Variants in XPO4 observed in about 807,000 individuals in gnomAD.
The protein encoded by XPO4 is exportin-4.
XPO4 carries 39 observed loss-of-function variants against 143.0 expected under a neutral mutation model. The ratio of observed to expected loss-of-function variants is 0.27; its 90% CI spans 0.21 to 0.36. XPO4 has a LOEUF of 0.36. Ranked by LOEUF, XPO4 falls within the 10% of genes least tolerant of loss-of-function variation. XPO4 has a pLI of 1.00. For missense variants in XPO4, 907 were observed against 1,348.0 expected (o/e 0.67, Z 5.12); for synonymous variants, 439 against 474.0 (o/e 0.93, Z 0.96).
At chr13:20,787,665 T>C (rs1303390534) in intron 20 of XPO4, 67 bp from the exon 21 acceptor site, 5 of 1,337,274 alleles carry the variant, frequency 3.7e-6, no homozygotes, top group Non-Finnish European at 5.3e-6. Flanking sequence ...AAAAAAATTA[T>C]AGCTAGTATT....
intron 2 of XPO4, chr13:20,863,092 C>T (rs2060216170): frequency 8.2e-7 from 1 of 1,214,650 alleles, no homozygotes; most frequent in Non-Finnish European, 1.0e-6. Flanking sequence ...TTCCTCACCT[C>T]TCTTCAACTG....
intron 1 of XPO4, among the ~76,000 whole-genome samples, chr13:20,886,094 T>C (rs933679367): frequency 3.3e-5 from 5 of 152,172 alleles, no homozygotes; most frequent in Admixed American, 3.3e-4. Flanking sequence ...ATAGCATAAA[T>C]ACATTGCACC....
intron 7 of XPO4, among the ~76,000 whole-genome samples, chr13:20,825,932 A>G (rs1241271870): frequency 6.6e-6 from 1 of 152,192 alleles, no homozygotes; most frequent in Non-Finnish European, 1.5e-5. Context: ...TACATACCAC[A>G]TAACTACTTT....
chr13:20,819,137 T>C (rs1020817573), intron 9 of XPO4, among the ~76,000 whole-genome samples: 3 of 152,122 alleles, frequency 2.0e-5, no homozygotes, highest in African/African-American at 4.8e-5. Flanking sequence ...CAGGTACTTT[T>C]CATGCAGTTA....
chr13:20,868,086 C>G (rs935651557), intron 2 of XPO4, among the ~76,000 whole-genome samples: 2 of 151,384 alleles, frequency 1.3e-5, no homozygotes, highest in African/African-American at 4.9e-5. Flanking sequence ...AAAATCAGTG[C>G]TTTATTTTAG....
rs540739946 is a variant in XPO4, at chr13:20,780,269, G to C, written c.*3453C>G. The C allele has an allele frequency of 1.3e-5, 2 of 152,242 alleles. No individual in the cohort carries two copies. Among genetic ancestry groups the C allele is most frequent in the South Asian group, 4.1e-4 (2 of 4,826 alleles). The allele number at this position is 152,242 out of a possible 1,614,324, so 9.4% of individuals were successfully genotyped here. A position where few individuals can be genotyped will look rare whatever the true frequency, so the allele number is the denominator to read the frequency against. On this transcript the variant is annotated 3_prime_UTR_variant, in exon 23 of 23. Transcript: ENST00000255305. ...ATTGACAACCACCTCTAACAACAGA[G>C]GTGGCAAACAGATAAAAATTGTTTA...
intron 1 of XPO4, among the ~76,000 whole-genome samples, chr13:20,901,842 G>A (rs571408358): frequency 6.6e-6 from 1 of 152,250 alleles, no homozygotes; most frequent in East Asian, 1.9e-4. Context: ...AAACACCGAA[G>A]TCATAATTTG....
At position 20,780,378 on chromosome 13, in the gene XPO4, G is replaced by T. The variant is rs1428705391; in HGVS notation, c.*3344C>A. On this transcript the variant is annotated 3_prime_UTR_variant, in exon 23 of 23. Coordinates refer to ENST00000255305, the MANE Select transcript of XPO4 (RefSeq NM_022459.5). ...TTGTAATCCTTGAAACTGACAGCTA[G>T]TTCCCTTCAATACTTTAGGGGTTCA... is the stretch of plus-strand genomic sequence containing the variant. The T allele has an allele frequency of 6.6e-6, 1 of 152,170 alleles. No homozygotes were observed. Among genetic ancestry groups the T allele is most frequent in the Non-Finnish European group, 1.5e-5 (1 of 68,022 alleles). 9.4% of individuals were successfully genotyped at this position (152,170 alleles called of 1,614,324 possible).
At chr13:20,845,996 A>G (rs2060025472) in intron 4 of XPO4, among the ~76,000 whole-genome samples, 1 of 152,228 alleles carries the variant, frequency 6.6e-6, no homozygotes, top group African/African-American at 2.4e-5. Flanking sequence ...TAAAAAAGGA[A>G]ATTAATTTCT....
At chr13:20,795,935 T>C in intron 18 of XPO4, 141 bp downstream of exon 18, 1 of 903,962 alleles carries the variant, frequency 1.1e-6, no homozygotes, top group Non-Finnish European at 1.6e-6. Context: ...GTCCTCACCC[T>C]CACTTTGACC....
intron 1 of XPO4, among the ~76,000 whole-genome samples, chr13:20,881,850 G>GT (rs528828349): frequency 2.3e-3 from 354 of 152,204 alleles, no homozygotes; most frequent in African/African-American, 7.6e-3. Flanking sequence ...GCTCACACCT[G>GT]TAAGCCCAGC....
At chr13:20,857,791 A>C (rs2060159427) in intron 3 of XPO4, 1 of 938,102 alleles carries the variant, frequency 1.1e-6, no homozygotes, top group Non-Finnish European at 1.3e-6. Flanking sequence ...CCAATGCTGC[A>C]GAGTTAAGTG....
At chr13:20,876,218 C>T (rs987094238) in intron 1 of XPO4, among the ~76,000 whole-genome samples, 5 of 144,870 alleles carry the variant, frequency 3.5e-5, no homozygotes, top group East Asian at 2.0e-4. Context: ...GCCAAGATTG[C>T]GCCATTGCAC....
At chr13:20,851,509 G>T (rs998162352) in intron 4 of XPO4, 2 of 861,070 alleles carry the variant, frequency 2.3e-6, no homozygotes, top group Non-Finnish European at 2.8e-6. Flanking sequence ...GGAAGTTTGA[G>T]ACCAGCTTGG....
At position 20,783,638 on chromosome 13, in the gene XPO4, G is replaced by A; in HGVS notation, c.*84C>T. 2 of 1,450,458 alleles carry A rather than the reference G, an allele frequency of 1.4e-6. No individual in the cohort carries two copies. The highest frequency in any genetic ancestry group is 1.9e-6 in the Non-Finnish European group (2 of 1,039,048). The allele number at this position is 1,450,458 out of a possible 1,614,324, so 89.8% of individuals were successfully genotyped here. A position where few individuals can be genotyped will look rare whatever the true frequency, so the allele number is the denominator to read the frequency against. ...AATCCAAAATGGCCAAATGAACTGA[G>A]GAATAGGACAAGACTCAAGTCAACT... On this transcript the variant is annotated 3_prime_UTR_variant, in exon 23 of 23. Coordinates refer to ENST00000255305, the MANE Select transcript of XPO4 (RefSeq NM_022459.5).
At position 20,809,775 on chromosome 13, in the gene XPO4, C is replaced by A; in HGVS notation, c.1350+16G>T. 6.3e-7 allele frequency: 1 copy of A among 1,587,108 alleles called. No homozygotes were observed. The highest frequency in any genetic ancestry group is 1.2e-5 in the South Asian group (1 of 86,634). On this transcript the variant is annotated intron_variant, in intron 10 of 22. Coordinates refer to ENST00000255305, the MANE Select transcript of XPO4 (RefSeq NM_022459.5). ...GATGAAATAGACTGTTAATTACCAT[C>A]TTGCTTAAAACTCACCAAATTTCTT...
At position 20,797,022 on chromosome 13, in the gene XPO4, C is replaced by T. The variant is rs1466456477; in HGVS notation, c.2358G>A (p.Val786=). 3 of 1,610,354 alleles carry T rather than the reference C, an allele frequency of 1.9e-6. No homozygotes were observed. The highest frequency in any genetic ancestry group is 2.5e-6 in the Non-Finnish European group (3 of 1,178,286). The part of the protein sequence containing the change: ...LQPLQQRFLR[V]INQENFQQMC... The stretch of plus-strand genomic sequence containing the variant: ...TCTGCTGGAAGTTTTCTTGGTTTAT[C>T]ACTCTTAAGAATCGCTGCTGAAGTG... Residue 786 remains valine (V), a synonymous_variant, in exon 17 of 23, where the codon GTG becomes GTA. Coordinates refer to ENST00000255305, the MANE Select transcript of XPO4 (RefSeq NM_022459.5).
At chr13:20,856,935 C>T in intron 3 of XPO4, 1 of 983,604 alleles carries the variant, frequency 1.0e-6, no homozygotes, top group Non-Finnish European at 1.2e-6. Flanking sequence ...CACTAGCTCC[C>T]AGATCAGCCA....
chr13:20,797,202 C>A, intron 16 of XPO4, 145 bp from the exon 17 acceptor site: 1 of 760,612 alleles, frequency 1.3e-6, no homozygotes, highest in Non-Finnish European at 1.9e-6. Context: ...CCAGACTTTA[C>A]ACTCCCCATT....
Sources: allele counts gnomAD v4.1 joint callset (sites outside exome capture counted in the v4.1 genomes callset), GRCh38; gene constraint gnomAD v4.1.1; transcripts MANE v1.5; gene names NCBI Gene and HGNC (gene_info 2026-07-23, HGNC 2026-07-21).